Variants in CYRIA observed in about 807,000 individuals in gnomAD.
The protein encoded by CYRIA is CYFIP related Rac1 interactor A, also known as CYFIP-related Rac1 interactor A.
Under a neutral mutation model 43.9 loss-of-function variants are expected in CYRIA, and 15 were observed. The observed-to-expected ratio is 0.34, with a 90% CI of 0.23 to 0.53. CYRIA has a LOEUF of 0.53. Among genes scored for constraint, CYRIA ranks in the 20% least tolerant of loss-of-function variants. The pLI is 0.94. For missense variants in CYRIA, 236 were observed against 394.2 expected, an observed-to-expected ratio of 0.60 and a Z score of 3.40; for synonymous variants, 117 against 136.0, an observed-to-expected ratio of 0.86 and a Z score of 0.97.
chr2:16,592,059 G>C (rs1667951138), intron 2 of CYRIA, among the ~76,000 whole-genome samples: 1 of 152,050 alleles, frequency 6.6e-6, no homozygotes, highest in Non-Finnish European at 1.5e-5. Context: ...AACAAGGACA[G>C]AGAGTACAGG....
At position 16,665,488 on chromosome 2, in the gene CYRIA, C is replaced by G. The variant is rs142928753; in HGVS notation, c.-167+292G>C. On this transcript the variant is annotated intron_variant, in intron 1 of 11. Transcript: ENST00000381323. The stretch of plus-strand genomic sequence containing the variant: ...GGGTGGGGGGTAAGTGAGTGAGGGA[C>G]GAGGGAGGGTGGTCTGGGAAAGGAA... Among the ~76,000 whole-genome samples, 947 of 151,810 alleles carry G rather than the reference C, an allele frequency of 6.2e-3. 4 individuals carry two copies. The highest frequency in any genetic ancestry group is 0.014 in the Middle Eastern group (4 of 294).
rs1043428444 is a variant in CYRIA, at chr2:16,623,927, G to A, written c.-74C>T. 6.6e-6 allele frequency: 1 copy of A among 152,232 alleles called. No individual in the cohort carries two copies. Among genetic ancestry groups the A allele is most frequent in the African/African-American group, 2.4e-5 (1 of 41,472 alleles). 9.4% of individuals were successfully genotyped at this position (152,232 alleles called of 1,614,324 possible). On this transcript the variant is annotated 5_prime_UTR_variant, in exon 2 of 12. Transcript: ENST00000381323. ...GCTGATGGGATGAACCAGCTTAGCT[G>A]CTGTCTGGCCAAAGTAAGTTGGACT...
chr2:16,604,813 G>T (rs1183984188), intron 2 of CYRIA, among the ~76,000 whole-genome samples: 1 of 152,198 alleles, frequency 6.6e-6, no homozygotes, highest in Non-Finnish European at 1.5e-5. Context: ...TTTTTGCAAT[G>T]AAGTCATGAG....
chr2:16,614,189 C>A (rs961337172), intron 2 of CYRIA, among the ~76,000 whole-genome samples: 1 of 152,052 alleles, frequency 6.6e-6, no homozygotes, highest in African/African-American at 2.4e-5. Flanking sequence ...TAGTTGAAGA[C>A]CCTCAATTCA....
At chr2:16,587,857 C>T (rs1314623197) in intron 3 of CYRIA, among the ~76,000 whole-genome samples, 193 bp downstream of exon 3, 3 of 152,036 alleles carry the variant, frequency 2.0e-5, no homozygotes, top group East Asian at 1.9e-4. Context: ...CATGTGGAAC[C>T]GTGAGTCAAA....
intron 1 of CYRIA, among the ~76,000 whole-genome samples, chr2:16,628,465 TC>T (rs747416185): frequency 2.6e-5 from 4 of 152,184 alleles, no homozygotes; most frequent in African/African-American, 7.2e-5. Flanking sequence ...ACAGCCAGCT[TC>T]TGGGCTGTCA....
At chr2:16,664,944 CT>C (rs1002011487) in intron 1 of CYRIA, among the ~76,000 whole-genome samples, 6 of 152,094 alleles carry the variant, frequency 3.9e-5, no homozygotes, top group African/African-American at 1.4e-4. Context: ...AAAACAGTGG[CT>C]GGGGGAATTC....
At chr2:16,612,311 G>C (rs536811208) in intron 2 of CYRIA, among the ~76,000 whole-genome samples, 1 of 152,090 alleles carries the variant, frequency 6.6e-6, no homozygotes, top group African/African-American at 2.4e-5. Flanking sequence ...TGGATGGGAG[G>C]GGGGAAAAGG....
chr2:16,553,596 T>C (rs935156826), intron 11 of CYRIA, among the ~76,000 whole-genome samples: 1 of 152,138 alleles, frequency 6.6e-6, no homozygotes, highest in Non-Finnish European at 1.5e-5. Context: ...TTACAATAAC[T>C]TTGTAAAGGT....
rs115373916 is a variant in CYRIA at position 16,633,783 on chromosome 2, A to G, written c.-166-9764T>C. Among the ~76,000 whole-genome samples the G allele has an allele frequency of 6.6e-3, 999 of 152,050 alleles. 15 individuals are homozygous for G. The highest frequency in any genetic ancestry group is 0.023 in the African/African-American group (941 of 41,490). The stretch of plus-strand genomic sequence containing the variant: ...CTGCAGAAAAAAGTTTTCAAAACAC[A>G]CATTTGATGATGTGTCATCCCTGCT... On this transcript the variant is annotated intron_variant, in intron 1 of 11. Coordinates refer to ENST00000381323, the MANE Select transcript of CYRIA (RefSeq NM_030797.4).
chr2:16,633,520 C>T (rs1669392711), intron 1 of CYRIA, among the ~76,000 whole-genome samples: 1 of 135,760 alleles, frequency 7.4e-6, no homozygotes. Context: ...GTTGGGATTA[C>T]AAGTGCAGGT....
chr2:16,602,811 A>G (rs1407514495), intron 2 of CYRIA, among the ~76,000 whole-genome samples: 1 of 152,174 alleles, frequency 6.6e-6, no homozygotes, highest in Non-Finnish European at 1.5e-5. Context: ...TGGGGCATCA[A>G]GTTCATTTTC....
chr2:16,612,207 A>G (rs1428381922), intron 2 of CYRIA, among the ~76,000 whole-genome samples: 1 of 152,178 alleles, frequency 6.6e-6, no homozygotes, highest in African/African-American at 2.4e-5. Context: ...GAAGAATGAT[A>G]GTGTGAAGGC....
intron 2 of CYRIA, among the ~76,000 whole-genome samples, chr2:16,613,740 C>T (rs984080817): frequency 2.0e-5 from 3 of 152,206 alleles, no homozygotes; most frequent in East Asian, 1.9e-4. Flanking sequence ...GCAGAAGTAT[C>T]AAGTTCAACA....
intron 3 of CYRIA, among the ~76,000 whole-genome samples, chr2:16,577,023 G>A (rs1385627505): frequency 6.6e-6 from 1 of 152,166 alleles, no homozygotes; most frequent in Non-Finnish European, 1.5e-5. Flanking sequence ...AAGGGAAAAT[G>A]AGTAGTTGCT....
rs1264811560 is a variant in CYRIA, at chr2:16,658,649, TCA to T, written c.-167+7129_-167+7130del. Among the ~76,000 whole-genome samples the T allele has an allele frequency of 3.9e-5, 6 of 152,244 alleles. No homozygotes were observed. The South Asian group carries it at 1.0e-3, about 26-fold the overall frequency. Reference sequence around the variant, plus strand: ...CTCAGCCTTGGAAAAGCCACTGGTCTCAGTTTCTCTTTCTTCCTCTTTTCCTG... The same window carrying T: ...CTCAGCCTTGGAAAAGCCACTGGTCTGTTTCTCTTTCTTCCTCTTTTCCTG... On this transcript the variant is annotated intron_variant, in intron 1 of 11. Coordinates refer to ENST00000381323, the MANE Select transcript of CYRIA (RefSeq NM_030797.4).
At chr2:16,562,759 A>T in intron 5 of CYRIA, among the ~76,000 whole-genome samples, 1 of 152,140 alleles carries the variant, frequency 6.6e-6, no homozygotes, top group South Asian at 2.1e-4. Flanking sequence ...TAAAGCAGGG[A>T]TTGGCAAGGT....
chr2:16,625,962 C>T (rs1201342827), intron 1 of CYRIA, among the ~76,000 whole-genome samples: 1 of 151,964 alleles, frequency 6.6e-6, no homozygotes, highest in African/African-American at 2.4e-5. Flanking sequence ...GAGGGTCAGT[C>T]AGGCGGAACA....
chr2:16,602,064 T>A (rs1239501037), intron 2 of CYRIA, among the ~76,000 whole-genome samples: 1 of 152,198 alleles, frequency 6.6e-6, no homozygotes, highest in African/African-American at 2.4e-5. Context: ...AAAGGAGAAT[T>A]CCTAAGCCAA....
Sources: allele counts gnomAD v4.1 joint callset (sites outside exome capture counted in the v4.1 genomes callset), GRCh38; gene constraint gnomAD v4.1.1; transcripts MANE v1.5; gene names NCBI Gene and HGNC (gene_info 2026-07-23, HGNC 2026-07-21).